WDFY1: variants seen among roughly 807,000 people sequenced by gnomAD.
WDFY1 encodes the protein WD repeat and FYVE domain-containing protein 1.
In WDFY1, 32 loss-of-function variants were observed where a neutral mutation model predicts 56.4. The observed-to-expected ratio is 0.57, with a 90% CI of 0.43 to 0.76. WDFY1 has a LOEUF of 0.76. WDFY1 is among the 30% of genes least tolerant of loss of function. WDFY1 has a pLI of 0.00. For missense variants in WDFY1, 480 were observed against 545.7 expected, an observed-to-expected ratio of 0.88 and a Z score of 1.20; for synonymous variants, 192 against 197.3, an observed-to-expected ratio of 0.97 and a Z score of 0.23.
intron 10 of WDFY1, among the ~76,000 whole-genome samples, chr2:223,880,964 C>T (rs1693060441): frequency 6.6e-6 from 1 of 152,162 alleles, no homozygotes; most frequent in Non-Finnish European, 1.5e-5. Context: ...TGCCCCAATC[C>T]CATCACTAGT....
At chr2:223,917,327 T>C (rs981686735) in intron 2 of WDFY1, among the ~76,000 whole-genome samples, 1 of 151,924 alleles carries the variant, frequency 6.6e-6, no homozygotes, top group Non-Finnish European at 1.5e-5. Context: ...TCGGCTACCA[T>C]AAAGGACAAA....
intron 1 of WDFY1, among the ~76,000 whole-genome samples, chr2:223,922,939 A>G (rs1220396258): frequency 6.6e-6 from 1 of 152,268 alleles, no homozygotes; most frequent in Non-Finnish European, 1.5e-5. Flanking sequence ...ATCAGCATAT[A>G]GTTTGGTTGG....
At chr2:223,921,990 G>T (rs1288102884) in intron 1 of WDFY1, among the ~76,000 whole-genome samples, 1 of 152,026 alleles carries the variant, frequency 6.6e-6, no homozygotes, top group African/African-American at 2.4e-5. Flanking sequence ...CCAAGGAGCC[G>T]CCTGGATCAC....
intron 1 of WDFY1, among the ~76,000 whole-genome samples, chr2:223,935,595 G>A (rs1694155501): frequency 6.6e-6 from 1 of 152,236 alleles, no homozygotes; most frequent in Non-Finnish European, 1.5e-5. Context: ...AAACACAGCA[G>A]AGGAAATGTC....
At chr2:223,888,090 T>A (rs1471657076) in intron 8 of WDFY1, among the ~76,000 whole-genome samples, 2 of 6,866 alleles carry the variant, frequency 2.9e-4, no homozygotes, top group Non-Finnish European at 7.4e-3. Flanking sequence ...AAATTTACAC[T>A]TTTTTTTTTG....
In WDFY1 at chr2:223,942,527, C is replaced by CTTTTTT. The variant is rs57223015; in HGVS notation, c.137+2615_137+2620dup. On this transcript the variant is annotated intron_variant, in intron 1 of 11. Transcript: ENST00000233055. ...GCCACTGCGCCTGGCCAAAGGCTAA[C>CTTTTTT]TTTTTTTTTTTTTTTTTTTGAGACG... 8.8e-4 allele frequency among the ~76,000 whole-genome samples: 65 copies of CTTTTTT among 74,216 alleles called. 3 individuals carry two copies. The highest frequency in any genetic ancestry group is 0.019 in the Middle Eastern group (2 of 106). The allele number at this position is 74,216 out of a possible 152,430, so 48.7% of individuals were successfully genotyped here.
intron 1 of WDFY1, among the ~76,000 whole-genome samples, chr2:223,919,235 G>A (rs1693849350): frequency 6.6e-6 from 1 of 152,200 alleles, no homozygotes; most frequent in African/African-American, 2.4e-5. Flanking sequence ...TTATGGGACA[G>A]TGTCTCACTC....
chr2:223,895,443 G>A (rs1269985731), intron 7 of WDFY1, 61 bp downstream of exon 7: 9 of 1,611,170 alleles, frequency 5.6e-6, no homozygotes, highest in Non-Finnish European at 7.6e-6. Flanking sequence ...GACTATTAAT[G>A]CCTTTCACTA....
chr2:223,938,497 T>A (rs1265102039), intron 1 of WDFY1, among the ~76,000 whole-genome samples: 2 of 152,188 alleles, frequency 1.3e-5, no homozygotes, highest in African/African-American at 4.8e-5. Context: ...TAGTTCAAAT[T>A]CTTAAACTTA....
At chr2:223,926,505 G>T (rs1033411646) in intron 1 of WDFY1, among the ~76,000 whole-genome samples, 1 of 151,894 alleles carries the variant, frequency 6.6e-6, no homozygotes, top group Admixed American at 6.5e-5. Context: ...AATGAGTGTT[G>T]TATTAGCAGG....
Position 223,884,269 on chromosome 2 carries a change from T to TA in WDFY1, c.933+378dup, listed in dbSNP as rs1284320619. Among the ~76,000 whole-genome samples the TA allele has an allele frequency of 2.6e-5, 4 of 152,350 alleles. No individual in the cohort carries two copies. The East Asian group carries it at 7.7e-4, about 29-fold the overall frequency. On this transcript the variant is annotated intron_variant, in intron 9 of 11. Transcript: ENST00000233055. ...AAGTGAGGACTAAATTATTACTTTT[T>TA]ATCTGTTTGTGACAGCATAAGGTAT...
rs1353826849 is a variant in WDFY1, at chr2:223,878,433, T to C, written c.*238A>G. ...CACATTAGCTGTTCATGGGGAAGTTTTGCTGAAGTAATTCCAGTCTTCAGG... is the reference window on the plus strand; with the variant it reads ...CACATTAGCTGTTCATGGGGAAGTTCTGCTGAAGTAATTCCAGTCTTCAGG... On this transcript the variant is annotated 3_prime_UTR_variant, in exon 12 of 12. Transcript: ENST00000233055. 9.5e-6 allele frequency: 4 copies of C among 419,486 alleles called. No homozygotes were observed. Among genetic ancestry groups the C allele is most frequent in the Non-Finnish European group, 1.7e-5 (4 of 232,454 alleles). The allele number at this position is 419,486 out of a possible 1,614,324, so 26.0% of individuals were successfully genotyped here. A position where few individuals can be genotyped will look rare whatever the true frequency, so the allele number is the denominator to read the frequency against.
In WDFY1 at chr2:223,945,234, C is replaced by T; in HGVS notation, c.51G>A (p.Leu17=). Reference sequence around the variant, plus strand: ...CGTCCTGGTGCCCCTCGATCTTGCTCAGCAGCACCGGGCGGCTGCTCTGCG... The same window carrying T: ...CGTCCTGGTGCCCCTCGATCTTGCTTAGCAGCACCGGGCGGCTGCTCTGCG... The part of the protein sequence containing the change: ...SRPQSSRPVL[L]SKIEGHQDAV... The change falls in exon 1 of 12, where the codon CTG becomes CTA. Residue 17 remains leucine (L), a synonymous_variant. Coordinates refer to ENST00000233055, the MANE Select transcript of WDFY1 (RefSeq NM_020830.5). 6.3e-7 allele frequency: 1 copy of T among 1,594,262 alleles called. No individual in the cohort carries two copies.
rs71058954 is a variant in WDFY1 at position 223,888,586 on chromosome 2, A to ATTTTTT, written c.832-3843_832-3838dup. ...CAGATAAGCCATTTTTAAATTCTCA[A>ATTTTTT]TTTTTTTTTTTTTTTTTTGAGACAG... is the stretch of plus-strand genomic sequence containing the variant. On this transcript the variant is annotated intron_variant, in intron 8 of 11. Coordinates refer to ENST00000233055, the MANE Select transcript of WDFY1 (RefSeq NM_020830.5). 6.8e-5 allele frequency among the ~76,000 whole-genome samples: 9 copies of ATTTTTT among 131,394 alleles called. 2 individuals are homozygous for ATTTTTT. The highest frequency in any genetic ancestry group is 4.1e-3 in the Middle Eastern group (1 of 244). The allele number at this position is 131,394 out of a possible 152,430, so 86.2% of individuals were successfully genotyped here.
chr2:223,894,522 G>A, intron 7 of WDFY1, 183 bp from the exon 8 acceptor site: 1 of 596,610 alleles, frequency 1.7e-6, no homozygotes, highest in South Asian at 2.1e-5. Flanking sequence ...TCATAATACA[G>A]AATGATACTT....
chr2:223,893,429 C>A (rs539997992), intron 8 of WDFY1, among the ~76,000 whole-genome samples: 3 of 151,382 alleles, frequency 2.0e-5, no homozygotes, highest in African/African-American at 7.3e-5. Flanking sequence ...ACTCAGGAAG[C>A]TGAAGTGGGA....
intron 1 of WDFY1, among the ~76,000 whole-genome samples, chr2:223,926,692 G>A (rs1574778164): frequency 1.3e-5 from 2 of 151,766 alleles, no homozygotes; most frequent in East Asian, 3.9e-4. Context: ...TTTTGAAACA[G>A]AGTCTCACTC....
In WDFY1 at chr2:223,929,138, C is replaced by G. The variant is rs74436472; in HGVS notation, c.138-11128G>C. ...TATAAGGCAATAAACTGTGCCTCTC[C>G]ATCAGCATGTGTCCCTGTCTAACTT... On this transcript the variant is annotated intron_variant, in intron 1 of 11. Coordinates refer to ENST00000233055, the MANE Select transcript of WDFY1 (RefSeq NM_020830.5). 5.8e-3 allele frequency among the ~76,000 whole-genome samples: 879 copies of G among 151,856 alleles called. 6 individuals carry two copies. Among genetic ancestry groups the G allele is most frequent in the African/African-American group, 0.02 (829 of 41,450 alleles).
intron 4 of WDFY1, among the ~76,000 whole-genome samples, chr2:223,903,242 C>T (rs983143507): frequency 6.6e-6 from 1 of 152,160 alleles, no homozygotes; most frequent in Non-Finnish European, 1.5e-5. Context: ...TGACAACCAG[C>T]GGGGCTTGGT....
Sources: gnomAD v4.1 joint callset for allele counts (sites outside exome capture counted in the v4.1 genomes callset) on GRCh38, gnomAD v4.1.1 for gene constraint, MANE v1.5 for transcripts, NCBI Gene and HGNC (gene_info 2026-07-23, HGNC 2026-07-21) for gene names.